Variants in PDE4B observed in about 807,000 individuals in gnomAD.
The protein encoded by PDE4B is 3',5'-cyclic-AMP phosphodiesterase 4B.
Under a neutral mutation model 82.2 loss-of-function variants are expected in PDE4B, and 20 were observed. The observed-to-expected ratio is 0.24, with a 90% CI of 0.17 to 0.35. PDE4B has a LOEUF of 0.35. PDE4B is among the 10% of genes least tolerant of loss of function. PDE4B has a pLI of 1.00. For missense variants in PDE4B, 655 were observed against 907.2 expected, an observed-to-expected ratio of 0.72 and a Z score of 3.57; for synonymous variants, 320 against 318.9, an observed-to-expected ratio of 1.00 and a Z score of -0.04.
chr1:65,874,834 A>C (rs1646619644), intron 1 of PDE4B, among the ~76,000 whole-genome samples: 1 of 152,164 alleles, frequency 6.6e-6, no homozygotes, highest in Non-Finnish European at 1.5e-5. Context: ...ACCTAAAACC[A>C]TAAAAACCCT....
intron 1 of PDE4B, among the ~76,000 whole-genome samples, chr1:65,830,802 G>A (rs752697636): frequency 4.6e-5 from 7 of 152,042 alleles, no homozygotes; most frequent in Non-Finnish European, 7.4e-5. Flanking sequence ...GTTATGTCTG[G>A]AGCTTAGTTA....
chr1:65,996,310 G>T (rs1490301860), intron 3 of PDE4B, among the ~76,000 whole-genome samples: 1 of 151,278 alleles, frequency 6.6e-6, no homozygotes, highest in South Asian at 2.1e-4. Flanking sequence ...AAAATTATTT[G>T]TTATGATTTA....
chr1:65,931,013 T>A (rs1430575102), intron 3 of PDE4B, among the ~76,000 whole-genome samples: 1 of 152,164 alleles, frequency 6.6e-6, no homozygotes, highest in Non-Finnish European at 1.5e-5. Context: ...GGTGATTGGA[T>A]CATGGGGGCA....
chr1:66,367,884 C>T (rs1280562951), intron 14 of PDE4B, 34 bp downstream of exon 14: 2 of 1,612,580 alleles, frequency 1.2e-6, no homozygotes, highest in African/African-American at 1.3e-5. Context: ...TCCTCACTTA[C>T]TGCCATTCTC....
chr1:65,979,798 G>A (rs1650592326), intron 3 of PDE4B, among the ~76,000 whole-genome samples: 1 of 152,164 alleles, frequency 6.6e-6, no homozygotes, highest in Non-Finnish European at 1.5e-5. Context: ...TTAGGTGCTG[G>A]AGTTACTGAG....
In PDE4B at chr1:66,078,610, G is replaced by A. The variant is rs961111628; in HGVS notation, c.281+159775G>A. ...TAGCATGTGCTTAATCTCTAGAATC[G>A]AGACAAAACTGGTTATTTCTCCCTT... On this transcript the variant is annotated intron_variant, in intron 3 of 16. Coordinates refer to ENST00000341517, the MANE Select transcript of PDE4B (RefSeq NM_002600.4). 3.9e-5 allele frequency among the ~76,000 whole-genome samples: 6 copies of A among 151,904 alleles called. No homozygotes were observed. In the East Asian group the frequency reaches 9.7e-4, roughly 24 times the overall value.
rs146171751 is a variant in PDE4B, at chr1:66,058,360, G to C, written c.281+139525G>C. 1.1e-3 allele frequency among the ~76,000 whole-genome samples: 162 copies of C among 152,298 alleles called. 2 individuals carry two copies. In the East Asian group the frequency reaches 0.028, roughly 26 times the overall value. On this transcript the variant is annotated intron_variant, in intron 3 of 16. Coordinates refer to ENST00000341517, the MANE Select transcript of PDE4B (RefSeq NM_002600.4). Reference sequence around the variant, plus strand: ...AGGTGCATGGTGCAAGCTGTCAGTGGTTCTACCACTCTGTTGTCTAGAGGA... The same window carrying C: ...AGGTGCATGGTGCAAGCTGTCAGTGCTTCTACCACTCTGTTGTCTAGAGGA...
chr1:65,931,950 A>C (rs1557441130), intron 3 of PDE4B, among the ~76,000 whole-genome samples: 1 of 152,318 alleles, frequency 6.6e-6, no homozygotes. Context: ...CAAAGACAGA[A>C]GTTTGCACTG....
intron 1 of PDE4B, among the ~76,000 whole-genome samples, chr1:65,880,243 G>C (rs897752061): frequency 6.6e-6 from 1 of 152,184 alleles, no homozygotes; most frequent in Non-Finnish European, 1.5e-5. Flanking sequence ...TGACGAGTAA[G>C]GACTCAGAAT....
intron 1 of PDE4B, among the ~76,000 whole-genome samples, chr1:65,885,219 T>C (rs1192435615): frequency 1.3e-5 from 2 of 152,152 alleles, no homozygotes; most frequent in African/African-American, 4.8e-5. Flanking sequence ...CAACAGGTGC[T>C]GGAGAGGATG....
chr1:65,932,482 C>T (rs1022308703), intron 3 of PDE4B, among the ~76,000 whole-genome samples: 1 of 151,886 alleles, frequency 6.6e-6, no homozygotes, highest in Non-Finnish European at 1.5e-5. Context: ...AGGGTCTTCT[C>T]CTTTATAAGT....
At chr1:66,301,341 G>T (rs543633096) in intron 7 of PDE4B, among the ~76,000 whole-genome samples, 8 of 152,226 alleles carry the variant, frequency 5.3e-5, no homozygotes, top group African/African-American at 1.9e-4. Context: ...CTTGGAGGCT[G>T]AGTCAGAGAT....
At chr1:65,984,585 T>G (rs1650857346) in intron 3 of PDE4B, among the ~76,000 whole-genome samples, 1 of 152,088 alleles carries the variant, frequency 6.6e-6, no homozygotes, top group South Asian at 2.1e-4. Context: ...CGAAATCCCA[T>G]CTCTAATAAA....
At chr1:66,183,186 C>G (rs1002956223) in intron 3 of PDE4B, among the ~76,000 whole-genome samples, 3 of 152,036 alleles carry the variant, frequency 2.0e-5, no homozygotes, top group Non-Finnish European at 1.5e-5. Context: ...TGAGGGGCCC[C>G]CATAGACAAT....
chr1:66,193,965 T>TG (rs397724537), intron 3 of PDE4B, among the ~76,000 whole-genome samples: 16 of 151,432 alleles, frequency 1.1e-4, no homozygotes, highest in South Asian at 4.2e-4. Flanking sequence ...TTTTTTTTTT[T>TG]GGGAGATTCA....
intron 3 of PDE4B, chr1:66,152,607 C>CATGT (rs1553152028): frequency 6.4e-6 from 1 of 155,948 alleles, no homozygotes; most frequent in Non-Finnish European, 1.3e-5. Context: ...TGTGTGTATA[C>CATGT]ACATATATAT....
intron 3 of PDE4B, among the ~76,000 whole-genome samples, chr1:65,934,314 A>G (rs1045728807): frequency 6.6e-6 from 1 of 152,090 alleles, no homozygotes; most frequent in African/African-American, 2.4e-5. Flanking sequence ...TTAGTTGAGC[A>G]TGGTGGCATA....
intron 3 of PDE4B, among the ~76,000 whole-genome samples, chr1:66,085,454 G>A (rs191390901): frequency 3.9e-5 from 6 of 152,260 alleles, no homozygotes; most frequent in Admixed American, 2.6e-4. Flanking sequence ...TATGACAGAA[G>A]TGCAAACAGG....
At chr1:66,284,291 G>A (rs1025596854) in intron 7 of PDE4B, among the ~76,000 whole-genome samples, 14 of 152,036 alleles carry the variant, frequency 9.2e-5, no homozygotes, top group East Asian at 5.8e-4. Context: ...TTCATTATAC[G>A]CCAAGTGTTC....
Sources: allele counts gnomAD v4.1 joint callset (sites outside exome capture counted in the v4.1 genomes callset), GRCh38; gene constraint gnomAD v4.1.1; transcripts MANE v1.5; gene names NCBI Gene and HGNC (gene_info 2026-07-23, HGNC 2026-07-21).